The following PEBP4 variants were observed in gnomAD, a reference collection of about 807,000 sequenced individuals.
PEBP4 encodes phosphatidylethanolamine binding protein 4.
A neutral mutation model predicts 23.9 loss-of-function variants in PEBP4; 22 were observed. That is an observed-to-expected ratio of 0.92 (90% confidence interval 0.66 to 1.31). The LOEUF (loss-of-function observed/expected upper bound fraction) is 1.31, where lower values mean the gene tolerates loss of function less well. PEBP4 is among the 40% of genes most tolerant of loss of function. PEBP4 has a pLI of 0.00. For missense variants in PEBP4, 324 were observed against 281.7 expected (o/e 1.15, Z -1.07); for synonymous variants, 112 against 99.3 (o/e 1.13, Z -0.76).
intron 3 of PEBP4, among the ~76,000 whole-genome samples, chr8:22,863,824 G>A (rs1807828859): frequency 6.6e-6 from 1 of 152,168 alleles, no homozygotes; most frequent in South Asian, 2.1e-4. Context: ...CTGCCTAACA[G>A]CATGCTACAG....
At chr8:22,907,403 T>G (rs1390647572) in intron 3 of PEBP4, among the ~76,000 whole-genome samples, 1 of 152,042 alleles carries the variant, frequency 6.6e-6, no homozygotes, top group Admixed American at 6.5e-5. Flanking sequence ...TCCCAGCTGC[T>G]TGGGAGGTTG....
intron 3 of PEBP4, among the ~76,000 whole-genome samples, chr8:22,877,283 G>C (rs1302098141): frequency 6.6e-6 from 1 of 152,158 alleles, no homozygotes; most frequent in African/African-American, 2.4e-5. Context: ...CTTTGGAATA[G>C]AAAGATGATG....
chr8:22,924,972 T>C, intron 2 of PEBP4: 1 of 985,436 alleles, frequency 1.0e-6, no homozygotes, highest in Non-Finnish European at 1.2e-6. Flanking sequence ...AGTTCCCTGG[T>C]AGACCAAATG....
intron 4 of PEBP4, among the ~76,000 whole-genome samples, chr8:22,763,939 G>A (rs1036040454): frequency 5.9e-5 from 9 of 152,172 alleles, no homozygotes; most frequent in South Asian, 2.1e-4. Context: ...AGAAGACCTG[G>A]TCCCTGCTTT....
intron 5 of PEBP4, among the ~76,000 whole-genome samples, chr8:22,725,814 C>A (rs1055243276): frequency 6.6e-6 from 1 of 152,078 alleles, no homozygotes; most frequent in Non-Finnish European, 1.5e-5. Context: ...GAGTATTGGT[C>A]CTTTATGGCC....
chr8:22,817,573 A>G (rs940092309), intron 4 of PEBP4, 64 bp downstream of exon 4: 37 of 1,449,546 alleles, frequency 2.6e-5, no homozygotes, highest in African/African-American at 4.2e-5. Context: ...TGGGAACTGC[A>G]CTGAATGATA....
intron 3 of PEBP4, among the ~76,000 whole-genome samples, chr8:22,837,448 G>A (rs115698955): frequency 3.0e-4 from 45 of 152,298 alleles, no homozygotes; most frequent in East Asian, 1.9e-4. Flanking sequence ...TAGAATTGGC[G>A]TTTGCAAGCT....
chr8:22,868,431 A>T (rs767708300), intron 3 of PEBP4, among the ~76,000 whole-genome samples: 19 of 152,116 alleles, frequency 1.2e-4, no homozygotes, highest in Non-Finnish European at 2.9e-5. Context: ...CCAACTCCCC[A>T]GTAAGTCCTG....
chr8:22,876,974 CA>C (rs1808134017), intron 3 of PEBP4, among the ~76,000 whole-genome samples: 1 of 152,164 alleles, frequency 6.6e-6, no homozygotes, highest in Non-Finnish European at 1.5e-5. Context: ...AAGTCTTTGC[CA>C]GGACTGAAAT....
At chr8:22,837,727 C>T (rs938557589) in intron 3 of PEBP4, among the ~76,000 whole-genome samples, 1 of 152,086 alleles carries the variant, frequency 6.6e-6, no homozygotes, top group Non-Finnish European at 1.5e-5. Flanking sequence ...CTCATCTCAT[C>T]TATGAATACT....
intron 4 of PEBP4, among the ~76,000 whole-genome samples, chr8:22,774,972 C>A (rs1379418230): frequency 6.6e-6 from 1 of 152,118 alleles, no homozygotes; most frequent in African/African-American, 2.4e-5. Context: ...TTCCTTGGTC[C>A]TGCCAGCTCC....
At chr8:22,731,121 A>G (rs577011763) in intron 4 of PEBP4, among the ~76,000 whole-genome samples, 22 of 152,254 alleles carry the variant, frequency 1.4e-4, no homozygotes, top group Non-Finnish European at 2.1e-4. Flanking sequence ...AAAAGAAGAA[A>G]TATAGTTGAT....
At chr8:22,769,788 G>A (rs1395701077) in intron 4 of PEBP4, among the ~76,000 whole-genome samples, 1 of 152,068 alleles carries the variant, frequency 6.6e-6, no homozygotes, top group Non-Finnish European at 1.5e-5. Context: ...GTATGAAAGA[G>A]AAATATGCTC....
intron 3 of PEBP4, among the ~76,000 whole-genome samples, chr8:22,819,039 T>C (rs560721115): frequency 2.0e-5 from 3 of 152,112 alleles, no homozygotes; most frequent in Non-Finnish European, 2.9e-5. Context: ...CCTCAGAATA[T>C]AGGTATGCAT....
intron 4 of PEBP4, among the ~76,000 whole-genome samples, chr8:22,800,127 G>A (rs1248226222): frequency 1.3e-5 from 2 of 152,144 alleles, no homozygotes; most frequent in Non-Finnish European, 2.9e-5. Flanking sequence ...TTAAAAGAGA[G>A]GGGTGAGAGC....
chr8:22,838,591 T>C (rs1358957341), intron 3 of PEBP4, among the ~76,000 whole-genome samples: 4 of 152,212 alleles, frequency 2.6e-5, no homozygotes, highest in East Asian at 3.9e-4. Flanking sequence ...ACTGGTGGGG[T>C]TGGCTCCTGG....
At chr8:22,896,555 T>C (rs1488535451) in intron 3 of PEBP4, among the ~76,000 whole-genome samples, 1 of 152,202 alleles carries the variant, frequency 6.6e-6, no homozygotes, top group Non-Finnish European at 1.5e-5. Context: ...ATTTTCTGGC[T>C]CTGGGTATCT....
At chr8:22,778,981 C>A (rs751622853) in intron 4 of PEBP4, among the ~76,000 whole-genome samples, 8 of 148,238 alleles carry the variant, frequency 5.4e-5, no homozygotes, top group Non-Finnish European at 1.0e-4. Flanking sequence ...TGTCTGCCTG[C>A]GTGGGGGGCA....
At chr8:22,816,093 C>G (rs1806734248) in intron 4 of PEBP4, among the ~76,000 whole-genome samples, 1 of 152,226 alleles carries the variant, frequency 6.6e-6, no homozygotes, top group African/African-American at 2.4e-5. Context: ...TGACAACGCT[C>G]TAGCCTTGGG....
Sources: allele counts gnomAD v4.1 joint callset (sites outside exome capture counted in the v4.1 genomes callset), GRCh38; gene constraint gnomAD v4.1.1; transcripts MANE v1.5; gene names NCBI Gene and HGNC (gene_info 2026-07-23, HGNC 2026-07-21).